C15orf61: variants seen among roughly 807,000 people sequenced by gnomAD.
C15orf61 encodes chromosome 15 open reading frame 61, also known as uncharacterized protein C15orf61.
A neutral mutation model predicts 13.7 loss-of-function variants in C15orf61; 12 were observed. That is an observed-to-expected ratio of 0.88 (90% CI 0.56 to 1.42). C15orf61 has a LOEUF of 1.42. Among genes scored for constraint, C15orf61 ranks in the 40% most tolerant of loss-of-function variants. C15orf61 has a pLI of 0.00. For missense variants in C15orf61, 248 were observed against 213.2 expected (o/e 1.16, Z -1.02); for synonymous variants, 92 against 94.1 (o/e 0.98, Z 0.13).
At position 67,521,202 on chromosome 15, in the gene C15orf61, G is replaced by C; in HGVS notation, c.-47G>C. On this transcript the variant is annotated 5_prime_UTR_variant, in exon 1 of 2. Coordinates refer to ENST00000342683, the MANE Select transcript of C15orf61 (RefSeq NM_001143936.2). Reference sequence around the variant, plus strand: ...GGCGCTCGCCCGGGGGCGCGCTTGCGCGCCAGCGGCTGCGGACACCAGCCT... The same window carrying C: ...GGCGCTCGCCCGGGGGCGCGCTTGCCCGCCAGCGGCTGCGGACACCAGCCT... The C allele has an allele frequency of 1.7e-6, 2 of 1,165,758 alleles. No homozygotes were observed. Among genetic ancestry groups the C allele is most frequent in the Non-Finnish European group, 2.1e-6 (2 of 935,244 alleles). 72.2% of individuals were successfully genotyped at this position (1,165,758 alleles called of 1,614,324 possible). A position where few individuals can be genotyped will look rare whatever the true frequency, so the allele number is the denominator to read the frequency against.
In C15orf61 at chr15:67,521,439, G is replaced by T; in HGVS notation, c.191G>T (p.Gly64Val). Residue 64 changes from glycine to valine, a missense_variant, in exon 1 of 2, where the codon GGC (glycine) becomes GTC (valine). Gly to Val is a moderately radical substitution (Grantham distance 109, BLOSUM62 -3). Coordinates refer to ENST00000342683, the MANE Select transcript of C15orf61 (RefSeq NM_001143936.2). ...AGCGCCGTCCGCAACGACCAGTTCGGCCTCTCGCACTTCAACTGGCCGGTG... is the reference window on the plus strand; with the variant it reads ...AGCGCCGTCCGCAACGACCAGTTCGTCCTCTCGCACTTCAACTGGCCGGTG... ...PYSAVRNDQF[G>V]LSHFNWPVQG... The T allele has an allele frequency of 6.5e-7, 1 of 1,547,178 alleles. No individual in the cohort carries two copies.
At position 67,527,591 on chromosome 15, in the gene C15orf61, A is replaced by G. The variant is rs1433946665; in HGVS notation, c.*1046A>G. ...TCCCATAATTACAAACATACATTAT[A>G]TATCATTTTATGTTAATGTGTTGCT... is the stretch of plus-strand genomic sequence containing the variant. On this transcript the variant is annotated 3_prime_UTR_variant, in exon 2 of 2. Transcript: ENST00000342683. 1 of 152,196 alleles carries G rather than the reference A, an allele frequency of 6.6e-6. No homozygotes were observed. 9.4% of individuals were successfully genotyped at this position (152,196 alleles called of 1,614,324 possible).
chr15:67,521,783 T>A, intron 1 of C15orf61, 189 bp downstream of exon 1: 1 of 672,478 alleles, frequency 1.5e-6, no homozygotes, highest in Non-Finnish European at 2.5e-6. Context: ...GCTGAGCTCC[T>A]GGCACCCGAA....
Position 67,521,555 on chromosome 15 carries a change from C to G in C15orf61, c.307C>G (p.Gln103Glu). ...SKAPWQDLAR[Q>E]NRFFTALKVV... Reference sequence around the variant, plus strand: ...GGCTCCCTGGCAGGACCTGGCCCGGCAGAACCGCTTCTTCACGGCGCTCAA... The same window carrying G: ...GGCTCCCTGGCAGGACCTGGCCCGGGAGAACCGCTTCTTCACGGCGCTCAA... Residue 103 changes from glutamine (Q) to glutamate (E), a missense_variant, in exon 1 of 2, where the codon CAG becomes GAG. Physicochemically the swap from Gln to Glu is conservative, Grantham distance 29. Transcript: ENST00000342683. The G allele has an allele frequency of 6.5e-7, 1 of 1,542,778 alleles. No individual in the cohort carries two copies. The highest frequency in any genetic ancestry group is 8.8e-7 in the Non-Finnish European group (1 of 1,142,626).
In C15orf61 at chr15:67,529,417, C is replaced by T. The variant is rs533624890; in HGVS notation, c.*2872C>T. On this transcript the variant is annotated 3_prime_UTR_variant, in exon 2 of 2. Coordinates refer to ENST00000342683, the MANE Select transcript of C15orf61 (RefSeq NM_001143936.2). The surrounding 1 kb of genome is among the most constrained non-coding windows in gnomAD (Gnocchi z 4.4). ...TTAATATTTTTCTAACGTTGACTTC[C>T]GTAAAAATTCAAACTTTTCTTTTTG... The T allele has an allele frequency of 3.9e-5, 6 of 152,272 alleles. No individual in the cohort carries two copies. Among genetic ancestry groups the T allele is most frequent in the South Asian group, 2.1e-4 (1 of 4,826 alleles). 9.4% of individuals were successfully genotyped at this position (152,272 alleles called of 1,614,324 possible).
Position 67,526,554 on chromosome 15 carries a change from G to C in C15orf61, c.*9G>C, listed in dbSNP as rs574020770. 2 of 1,503,096 alleles carry C rather than the reference G, an allele frequency of 1.3e-6. No individual in the cohort carries two copies. Among genetic ancestry groups the C allele is most frequent in the South Asian group, 1.4e-5 (1 of 73,986 alleles). 93.1% of individuals were successfully genotyped at this position (1,503,096 alleles called of 1,614,324 possible). ...AAGGTGCCATGTATTGAAAGTGTGC[G>C]TCAAAGAACATAAATATCAGTGGAT... On this transcript the variant is annotated 3_prime_UTR_variant, in exon 2 of 2. Transcript: ENST00000342683.
Position 67,529,272 on chromosome 15 carries a change from A to C in C15orf61, c.*2727A>C, listed in dbSNP as rs1242646492. The C allele has an allele frequency of 2.0e-5, 3 of 152,236 alleles. No homozygotes were observed. Among genetic ancestry groups the C allele is most frequent in the Admixed American group, 2.0e-4 (3 of 15,280 alleles). The allele number at this position is 152,236 out of a possible 1,614,324, so 9.4% of individuals were successfully genotyped here. A position where few individuals can be genotyped will look rare whatever the true frequency, so the allele number is the denominator to read the frequency against. On this transcript the variant is annotated 3_prime_UTR_variant, in exon 2 of 2. Transcript: ENST00000342683. This position sits in a 1 kb window ranked among gnomAD's most constrained non-coding sequence, Gnocchi z 4.4. ...AAGTTGTGAGCCACTATAAAGATGC[A>C]GTAACCTATTTGGGAGCGTGAGAGA... is the stretch of plus-strand genomic sequence containing the variant.
At position 67,521,372 on chromosome 15, in the gene C15orf61, C is replaced by T; in HGVS notation, c.124C>T (p.Gln42Ter). The T allele has an allele frequency of 6.5e-7, 1 of 1,538,826 alleles. No individual in the cohort carries two copies. The change falls in exon 1 of 2, where the codon CAG (glutamine) becomes TAG (stop). Residue 42 changes from glutamine (Q) to a stop codon, truncating the protein, a stop_gained. Coordinates refer to ENST00000342683, the MANE Select transcript of C15orf61 (RefSeq NM_001143936.2). LOFTEE classifies it high-confidence loss of function. ...ASEVLTRHLLQRRLPHWTSFC... is the reference protein window; with the variant it reads ...ASEVLTRHLL ...GGAGGTGCTGACGCGGCATCTGCTG[C>T]AGCGGCGCCTGCCGCACTGGACCTC...
In C15orf61 at chr15:67,529,719, C is replaced by G. The variant is rs928454234; in HGVS notation, c.*3174C>G. 1.2e-4 allele frequency: 18 copies of G among 152,244 alleles called. No homozygotes were observed. Among genetic ancestry groups the G allele is most frequent in the African/African-American group, 4.3e-4 (18 of 41,462 alleles). 9.4% of individuals were successfully genotyped at this position (152,244 alleles called of 1,614,324 possible). A position where few individuals can be genotyped will look rare whatever the true frequency, so the allele number is the denominator to read the frequency against. On this transcript the variant is annotated 3_prime_UTR_variant, in exon 2 of 2. Transcript: ENST00000342683. This position sits in a 1 kb window ranked among gnomAD's most constrained non-coding sequence, Gnocchi z 4.4. ...TACAGGCATGAGCCACCAGGCCTAG[C>G]TGAAACATTTGTAATTATTAAAACC...
At chr15:67,522,511 A>G (rs1437336463) in intron 1 of C15orf61, among the ~76,000 whole-genome samples, 1 of 152,232 alleles carries the variant, frequency 6.6e-6, no homozygotes, top group Non-Finnish European at 1.5e-5. Flanking sequence ...TGCTTATAAT[A>G]ACACATATGT....
rs1048915675 is a variant in C15orf61 at position 67,528,811 on chromosome 15, T to G, written c.*2266T>G. On this transcript the variant is annotated 3_prime_UTR_variant, in exon 2 of 2. Coordinates refer to ENST00000342683, the MANE Select transcript of C15orf61 (RefSeq NM_001143936.2). ...TGAGAAGAACGAAACAAGAGACATT[T>G]CTACCCGAAAATGTACATCAATTTT... The G allele has an allele frequency of 3.9e-5, 6 of 152,256 alleles. No individual in the cohort carries two copies. In the South Asian group the frequency reaches 6.2e-4, roughly 16 times the overall value. The allele number at this position is 152,256 out of a possible 1,614,324, so 9.4% of individuals were successfully genotyped here. A position where few individuals can be genotyped will look rare whatever the true frequency, so the allele number is the denominator to read the frequency against.
intron 1 of C15orf61, 199 bp downstream of exon 1, chr15:67,521,793 A>T: frequency 1.5e-6 from 1 of 648,990 alleles, no homozygotes; most frequent in Non-Finnish European, 2.6e-6. Context: ...TGGCACCCGA[A>T]GCCGTTCGCC....
chr15:67,527,493 T>A lies in C15orf61; in HGVS notation c.*948T>A, dbSNP rs370555434. The A allele has an allele frequency of 1.1e-4, 17 of 152,316 alleles. No homozygotes were observed. The highest frequency in any genetic ancestry group is 4.1e-4 in the African/African-American group (17 of 41,586). 9.4% of individuals were successfully genotyped at this position (152,316 alleles called of 1,614,324 possible). On this transcript the variant is annotated 3_prime_UTR_variant, in exon 2 of 2. Transcript: ENST00000342683. Reference sequence around the variant, plus strand: ...AGATGAATGGTAAATTTCAGACATTTGGAGTAATTTAGGGAGAACTAAGTA... The same window carrying A: ...AGATGAATGGTAAATTTCAGACATTAGGAGTAATTTAGGGAGAACTAAGTA...
rs1407063418 is a variant in C15orf61 at position 67,521,345 on chromosome 15, T to C, written c.97T>C (p.Ser33Pro). The C allele has an allele frequency of 6.5e-7, 1 of 1,535,800 alleles. No homozygotes were observed. Among genetic ancestry groups the C allele is most frequent in the Non-Finnish European group, 8.7e-7 (1 of 1,145,832 alleles). The stretch of plus-strand genomic sequence containing the variant: ...CGCCGCCCGCCCCAAGCCCAGCGCC[T>C]CGGAGGTGCTGACGCGGCATCTGCT... ...RAAARPKPSA[S>P]EVLTRHLLQR... is the part of the protein sequence containing the mutation. Residue 33 changes from serine (S) to proline (P), a missense_variant, in exon 1 of 2, where the codon TCG (serine) becomes CCG (proline). By Grantham distance (74) the Ser-to-Pro change is moderately conservative. Transcript: ENST00000342683.
At chr15:67,523,637 G>T (rs929693024) in intron 1 of C15orf61, among the ~76,000 whole-genome samples, 2 of 152,162 alleles carry the variant, frequency 1.3e-5, no homozygotes, top group African/African-American at 4.8e-5. Context: ...CTACTGTTCA[G>T]CTGACTCAAA....
At chr15:67,523,062 T>G (rs962009158) in intron 1 of C15orf61, among the ~76,000 whole-genome samples, 2 of 152,162 alleles carry the variant, frequency 1.3e-5, no homozygotes, top group East Asian at 3.9e-4. Context: ...TTTATTAATG[T>G]GGGAGAGTGA....
rs1208548964 is a variant in C15orf61 at position 67,529,705 on chromosome 15, G to A, written c.*3160G>A. The A allele has an allele frequency of 1.3e-5, 2 of 152,262 alleles. No homozygotes were observed. The highest frequency in any genetic ancestry group is 4.8e-5 in the African/African-American group (2 of 41,472). The allele number at this position is 152,262 out of a possible 1,614,324, so 9.4% of individuals were successfully genotyped here. On this transcript the variant is annotated 3_prime_UTR_variant, in exon 2 of 2. Coordinates refer to ENST00000342683, the MANE Select transcript of C15orf61 (RefSeq NM_001143936.2). The surrounding 1 kb of genome is among the most constrained non-coding windows in gnomAD (Gnocchi z 4.4). ...CAAAGTGCTGGGATTACAGGCATGA[G>A]CCACCAGGCCTAGCTGAAACATTTG...
Position 67,521,661 on chromosome 15 carries a change from G to A in C15orf61, c.346+67G>A, listed in dbSNP as rs1055732312. 31 of 1,363,922 alleles carry A rather than the reference G, an allele frequency of 2.3e-5. No homozygotes were observed. The African/African-American group carries it at 4.2e-4, about 19-fold the overall frequency. The allele number at this position is 1,363,922 out of a possible 1,614,324, so 84.5% of individuals were successfully genotyped here. A position where few individuals can be genotyped will look rare whatever the true frequency, so the allele number is the denominator to read the frequency against. Reference sequence around the variant, plus strand: ...GCCGGGACGGCCCCTCAGCCACCGAGCACGTGACGAACGCTCGCAGGCCGG... The same window carrying A: ...GCCGGGACGGCCCCTCAGCCACCGAACACGTGACGAACGCTCGCAGGCCGG... On this transcript the variant is annotated intron_variant, in intron 1 of 1. Transcript: ENST00000342683.
chr15:67,524,404 T>A (rs752159649), intron 1 of C15orf61, among the ~76,000 whole-genome samples: 7 of 152,092 alleles, frequency 4.6e-5, no homozygotes, highest in Non-Finnish European at 8.8e-5. Flanking sequence ...TTTTTCTTTG[T>A]GGTTAAATGA....
Sources: gnomAD v4.1 joint callset for allele counts (sites outside exome capture counted in the v4.1 genomes callset) on GRCh38, gnomAD v4.1.1 for gene constraint, Gnocchi (gnomAD v3.1) non-coding constraint, MANE v1.5 for transcripts, NCBI Gene and HGNC (gene_info 2026-07-23, HGNC 2026-07-21) for gene names.